Variants in OPCML observed in about 807,000 individuals in gnomAD.
OPCML encodes opioid-binding protein/cell adhesion molecule.
In OPCML, 13 loss-of-function variants were observed where a neutral mutation model predicts 37.8. That is an observed-to-expected ratio of 0.34 (90% CI 0.22 to 0.55). The LOEUF is 0.55. Ranked by LOEUF, OPCML falls within the 20% of genes least tolerant of loss-of-function variation. The probability of loss-of-function intolerance (pLI) is 0.91; values close to 1 mark genes in which losing one functional copy is unlikely to be tolerated. For missense variants in OPCML, 341 were observed against 435.6 expected, an observed-to-expected ratio of 0.78 and a Z score of 1.93; for synonymous variants, 176 against 168.8, an observed-to-expected ratio of 1.04 and a Z score of -0.33.
At position 132,544,446 on chromosome 11, in the gene OPCML, C is replaced by T. The variant is rs555957935; in HGVS notation, c.380-15260G>A. ...GGATTTTATCATGGAAAATATTATT[C>T]CCAGCAACAAGTGTTCTATAATATT... On this transcript the variant is annotated intron_variant, in intron 3 of 7. Coordinates refer to ENST00000524381, the MANE Select transcript of OPCML (RefSeq NM_001012393.5). Among the ~76,000 whole-genome samples, 27 of 152,264 alleles carry T rather than the reference C, an allele frequency of 1.8e-4. No homozygotes were observed. The East Asian group carries it at 5.2e-3, about 29-fold the overall frequency.
At chr11:132,856,091 A>G (rs1031437307) in intron 2 of OPCML, among the ~76,000 whole-genome samples, 1 of 152,210 alleles carries the variant, frequency 6.6e-6, no homozygotes, top group Non-Finnish European at 1.5e-5. Context: ...AATAGACCTA[A>G]CAGTTAATCT....
intron 2 of OPCML, among the ~76,000 whole-genome samples, chr11:132,878,113 C>T (rs1467762684): frequency 6.6e-6 from 1 of 151,444 alleles, no homozygotes; most frequent in African/African-American, 2.4e-5. Flanking sequence ...ACCCAGGAGG[C>T]GGAGATTGCA....
intron 1 of OPCML, among the ~76,000 whole-genome samples, chr11:132,993,176 G>T (rs375093307): frequency 1.3e-5 from 2 of 152,138 alleles, no homozygotes; most frequent in Admixed American, 1.3e-4. Flanking sequence ...GCTCCAGGAC[G>T]TGCATGTCTA....
Position 133,218,045 on chromosome 11 carries a change from C to CAAAA in OPCML, c.62-275039_62-275036dup, listed in dbSNP as rs112195465. On this transcript the variant is annotated intron_variant, in intron 1 of 7. Transcript: ENST00000524381. ...TGAACAACAGAGACATACCCTGTCT[C>CAAAA]AAAAAAAAAAACCCAAGCAAACAAA... 1.8e-3 allele frequency among the ~76,000 whole-genome samples: 259 copies of CAAAA among 144,674 alleles called. 1 individual carries two copies. The highest frequency in any genetic ancestry group is 5.8e-3 in the African/African-American group (230 of 39,698). The allele number at this position is 144,674 out of a possible 152,430, so 94.9% of individuals were successfully genotyped here. A position where few individuals can be genotyped will look rare whatever the true frequency, so the allele number is the denominator to read the frequency against.
At chr11:133,090,884 C>G (rs1219854747) in intron 1 of OPCML, among the ~76,000 whole-genome samples, 2 of 152,180 alleles carry the variant, frequency 1.3e-5, no homozygotes, top group African/African-American at 2.4e-5. Flanking sequence ...TGATAAGGAT[C>G]AGTATGGTTA....
chr11:132,942,909 G>T lies in OPCML; in HGVS notation c.146+17C>A, dbSNP rs1468564836. ...ACAGCCCAGGGGCTCGGCCCCCGCG[G>T]AAGGACAGCTCCCTACCTGAGGGTG... On this transcript the variant is annotated intron_variant, in intron 2 of 7. Coordinates refer to ENST00000524381, the MANE Select transcript of OPCML (RefSeq NM_001012393.5). 6.2e-7 allele frequency: 1 copy of T among 1,602,310 alleles called. No homozygotes were observed. The highest frequency in any genetic ancestry group is 1.7e-5 in the Admixed American group (1 of 59,166).
intron 1 of OPCML, among the ~76,000 whole-genome samples, chr11:133,268,847 G>T (rs2136474509): frequency 6.6e-6 from 1 of 152,330 alleles, no homozygotes; most frequent in African/African-American, 2.4e-5. Flanking sequence ...AAGTGAAACT[G>T]CTAAGTAATG....
At chr11:133,157,977 G>A (rs998080594) in intron 1 of OPCML, among the ~76,000 whole-genome samples, 5 of 152,188 alleles carry the variant, frequency 3.3e-5, no homozygotes, top group Non-Finnish European at 5.9e-5. Flanking sequence ...TCTGGTGAGG[G>A]CCAGCAGGAA....
chr11:132,719,734 A>G (rs1055463373), intron 2 of OPCML, among the ~76,000 whole-genome samples: 2 of 152,208 alleles, frequency 1.3e-5, no homozygotes, highest in African/African-American at 4.8e-5. Context: ...AAAAAGCTAG[A>G]GAAATGTGTG....
intron 2 of OPCML, among the ~76,000 whole-genome samples, chr11:132,803,080 C>T (rs946620994): frequency 1.3e-5 from 2 of 152,114 alleles, no homozygotes; most frequent in Non-Finnish European, 2.9e-5. Flanking sequence ...ATCCTGGACA[C>T]GATAACATCC....
At chr11:132,877,161 T>A (rs1943051522) in intron 2 of OPCML, among the ~76,000 whole-genome samples, 1 of 152,128 alleles carries the variant, frequency 6.6e-6, no homozygotes, top group Non-Finnish European at 1.5e-5. Context: ...ATGACTATAT[T>A]CTGCAGAGAT....
intron 1 of OPCML, chr11:133,420,890 G>A: frequency 4.1e-6 from 4 of 985,376 alleles, no homozygotes; most frequent in Non-Finnish European, 4.8e-6. Context: ...AGCGTCTCAT[G>A]AGCCTTCAAG....
chr11:133,506,231 A>T (rs1948029658), intron 1 of OPCML, among the ~76,000 whole-genome samples: 1 of 152,214 alleles, frequency 6.6e-6, no homozygotes, highest in South Asian at 2.1e-4. Flanking sequence ...CCCACAGTAA[A>T]GAGGAACTGA....
chr11:132,617,577 C>T (rs547741592), intron 3 of OPCML, among the ~76,000 whole-genome samples: 1 of 152,356 alleles, frequency 6.6e-6, no homozygotes, highest in South Asian at 2.1e-4. Context: ...GATACTGTCT[C>T]AGTCTTCTCA....
In OPCML at chr11:133,520,379, C is replaced by G. The variant is rs114070638; in HGVS notation, c.61+11885G>C. On this transcript the variant is annotated intron_variant, in intron 1 of 7. Transcript: ENST00000524381. ...GGCAGAGTACAAGATGGGTATATGA[C>G]TGATTCCAGAAAGGCAGCCCCTTTC... Among the ~76,000 whole-genome samples, 946 of 152,160 alleles carry G rather than the reference C, an allele frequency of 6.2e-3. 9 individuals carry two copies. The highest frequency in any genetic ancestry group is 0.022 in the African/African-American group (905 of 41,510).
intron 2 of OPCML, among the ~76,000 whole-genome samples, chr11:132,857,340 T>C (rs1002345995): frequency 2.6e-5 from 4 of 152,226 alleles, no homozygotes; most frequent in African/African-American, 7.2e-5. Flanking sequence ...TTGAAGTATT[T>C]ACAGATTCAC....
intron 1 of OPCML, among the ~76,000 whole-genome samples, chr11:132,950,782 C>A (rs1945840511): frequency 6.6e-6 from 1 of 152,156 alleles, no homozygotes; most frequent in South Asian, 2.1e-4. Context: ...GAGATGTAAC[C>A]TATTTCACTC....
chr11:133,353,538 T>A (rs1469805234), intron 1 of OPCML, among the ~76,000 whole-genome samples: 7 of 152,100 alleles, frequency 4.6e-5, no homozygotes, highest in Non-Finnish European at 1.0e-4. Context: ...AAGTGCTTGG[T>A]CTCCATGTTG....
chr11:132,431,349 A>G (rs1349998189), intron 7 of OPCML, among the ~76,000 whole-genome samples: 2 of 152,236 alleles, frequency 1.3e-5, no homozygotes, highest in Non-Finnish European at 2.9e-5. Context: ...GTTTGTCTGT[A>G]TCAGAGTCAG....
Sources: allele counts gnomAD v4.1 joint callset (sites outside exome capture counted in the v4.1 genomes callset), GRCh38; gene constraint gnomAD v4.1.1; transcripts MANE v1.5; gene names NCBI Gene and HGNC (gene_info 2026-07-23, HGNC 2026-07-21).